TIMP4: variants seen among roughly 807,000 people sequenced by gnomAD.
The protein encoded by TIMP4 is metalloproteinase inhibitor 4.
A neutral mutation model predicts 27.3 loss-of-function variants in TIMP4; 28 were observed. That is an observed-to-expected ratio of 1.03 (90% CI 0.76 to 1.41). The LOEUF is 1.41. TIMP4 is among the 40% of genes most tolerant of loss of function. TIMP4 has a pLI of 0.00. For synonymous variants in TIMP4, 138 were observed against 115.5 expected, an observed-to-expected ratio of 1.20 and a Z score of -1.25; for missense variants, 307 against 285.5, an observed-to-expected ratio of 1.08 and a Z score of -0.54.
rs924245891 is a variant in TIMP4 at position 12,153,127 on chromosome 3, A to G, written c.*388T>C. The G allele has an allele frequency of 1.1e-4, 30 of 284,672 alleles. No homozygotes were observed. Among genetic ancestry groups the G allele is most frequent in the African/African-American group, 6.4e-4 (30 of 46,716 alleles). 17.6% of individuals were successfully genotyped at this position (284,672 alleles called of 1,614,324 possible). ...TGATGCTGTCAAACCACCTTCTGAT[A>G]CTGTACATCGCAAGGATATACCATC... On this transcript the variant is annotated 3_prime_UTR_variant, in exon 5 of 5. Coordinates refer to ENST00000287814, the MANE Select transcript of TIMP4 (RefSeq NM_003256.4).
chr3:12,153,888 A>G (rs574833016), intron 4 of TIMP4, among the ~76,000 whole-genome samples, 176 bp from the exon 5 acceptor site: 32 of 152,166 alleles, frequency 2.1e-4, no homozygotes, highest in African/African-American at 6.3e-4. Flanking sequence ...CCCATATTCA[A>G]TATTGCCACT....
chr3:12,153,254 A>G lies in TIMP4; in HGVS notation c.*261T>C. On this transcript the variant is annotated 3_prime_UTR_variant, in exon 5 of 5. Transcript: ENST00000287814. ...AAGGGAATAGTCCTGGCTTTAGAAA[A>G]CAGACTAAGCCAGAAGAAACACTTG... is the stretch of plus-strand genomic sequence containing the variant. 1.8e-6 allele frequency: 1 copy of G among 545,156 alleles called. No individual in the cohort carries two copies. The highest frequency in any genetic ancestry group is 3.3e-6 in the Non-Finnish European group (1 of 301,502). The allele number at this position is 545,156 out of a possible 1,614,324, so 33.8% of individuals were successfully genotyped here.
At position 12,157,449 on chromosome 3, in the gene TIMP4, A is replaced by C. The variant is rs1697491217; in HGVS notation, c.173T>G (p.Val58Gly). 1.9e-6 allele frequency: 3 copies of C among 1,614,076 alleles called. No homozygotes were observed. Among genetic ancestry groups the C allele is most frequent in the South Asian group, 2.2e-5 (2 of 91,084 alleles). ...IRAKISSEKVVPASADPADTE... is the reference protein window; with the variant it reads ...IRAKISSEKVGPASADPADTE... The stretch of plus-strand genomic sequence containing the variant: ...GTCAGCAGGGTCTGCACTGGCCGGA[A>C]CTACCTTCTCACTGGAGATTTTGGC... Residue 58 changes from valine (V) to glycine (G), a missense_variant, in exon 2 of 5, where the codon GTT (valine) becomes GGT (glycine). Physicochemically the swap from Val to Gly is moderately radical, Grantham distance 109. Transcript: ENST00000287814.
At chr3:12,158,653 A>G (rs777756078) in intron 1 of TIMP4, 49 bp downstream of exon 1, 25 of 1,603,130 alleles carry the variant, frequency 1.6e-5, no homozygotes, top group East Asian at 4.5e-5. Flanking sequence ...CCAGATACTA[A>G]TCCCCCACAA....
intron 2 of TIMP4, 57 bp from the exon 3 acceptor site, chr3:12,156,991 TAACAGACAAA>T: frequency 7.8e-7 from 1 of 1,285,720 alleles, no homozygotes; most frequent in Non-Finnish European, 1.1e-6. Context: ...CTGTATATAT[TAACAGACAAA>T]AACCTCTCAC....
chr3:12,158,654 T>C (rs749489065), intron 1 of TIMP4, 48 bp downstream of exon 1: 1 of 1,603,376 alleles, frequency 6.2e-7, no homozygotes, highest in Non-Finnish European at 8.5e-7. Context: ...CAGATACTAA[T>C]CCCCCACAAC....
Position 12,153,458 on chromosome 3 carries a change from G to A in TIMP4, c.*57C>T. 1 of 1,594,946 alleles carries A rather than the reference G, an allele frequency of 6.3e-7. No homozygotes were observed. The highest frequency in any genetic ancestry group is 2.2e-5 in the East Asian group (1 of 44,750). The stretch of plus-strand genomic sequence containing the variant: ...GTAATGGCCAAAGCTCTGCAGGGAA[G>A]GAGAACTGGCTTGATCTTCAGGACT... On this transcript the variant is annotated 3_prime_UTR_variant, in exon 5 of 5. Transcript: ENST00000287814.
intron 4 of TIMP4, 65 bp from the exon 5 acceptor site, chr3:12,153,777 C>T (rs1697374357): frequency 6.4e-7 from 1 of 1,558,416 alleles, no homozygotes; most frequent in Admixed American, 1.7e-5. Context: ...TGCTGCCTTT[C>T]AGATTCCTAC....
chr3:12,158,365 T>G (rs911193780), intron 1 of TIMP4, among the ~76,000 whole-genome samples: 2 of 152,094 alleles, frequency 1.3e-5, no homozygotes, highest in African/African-American at 2.4e-5. Context: ...CCCTCTCCCC[T>G]CCCCTTTCTG....
chr3:12,155,853 G>A (rs761695032), intron 3 of TIMP4, among the ~76,000 whole-genome samples: 17 of 152,194 alleles, frequency 1.1e-4, no homozygotes, highest in Non-Finnish European at 2.2e-4. Context: ...AATAGAGTTT[G>A]AAAGGGCCTG....
At chr3:12,154,699 A>G (rs1238395460) in intron 3 of TIMP4, among the ~76,000 whole-genome samples, 1 of 152,230 alleles carries the variant, frequency 6.6e-6, no homozygotes. Context: ...AGCATGGTAC[A>G]GAGAGAAGAA....
chr3:12,153,273 A>G lies in TIMP4; in HGVS notation c.*242T>C. 1.8e-6 allele frequency: 1 copy of G among 570,594 alleles called. No homozygotes were observed. Among genetic ancestry groups the G allele is most frequent in the South Asian group, 2.0e-5 (1 of 49,160 alleles). The allele number at this position is 570,594 out of a possible 1,614,324, so 35.3% of individuals were successfully genotyped here. On this transcript the variant is annotated 3_prime_UTR_variant, in exon 5 of 5. Transcript: ENST00000287814. ...TAGAAAACAGACTAAGCCAGAAGAA[A>G]CACTTGCAGTAACAGCTACAAGGCT...
At chr3:12,158,304 G>A (rs1050742325) in intron 1 of TIMP4, among the ~76,000 whole-genome samples, 2 of 152,170 alleles carry the variant, frequency 1.3e-5, no homozygotes, top group African/African-American at 4.8e-5. Flanking sequence ...TAGGGGCTTG[G>A]TGGCAACCTC....
rs527513037 is a variant in TIMP4 at position 12,158,794 on chromosome 3, C to T, written c.47G>A (p.Arg16Gln). 112 of 1,603,220 alleles carry T rather than the reference C, an allele frequency of 7.0e-5. No homozygotes were observed. The highest frequency in any genetic ancestry group is 3.3e-4 in the Middle Eastern group (2 of 6,026). ...RPAPSWVLLL[R>Q]LLALLRPPGL... The stretch of plus-strand genomic sequence containing the variant: ...CGGGGGCCGCAGCAACGCCAGCAGC[C>T]GCAGCAACAGCACCCAGCTTGGCGC... Residue 16 changes from arginine (R) to glutamine (Q), a missense_variant, in exon 1 of 5, where the codon CGG (arginine) becomes CAG (glutamine). By Grantham distance (43) the Arg-to-Gln change is conservative. Transcript: ENST00000287814.
intron 1 of TIMP4, among the ~76,000 whole-genome samples, chr3:12,158,166 C>T (rs780972983): frequency 9.9e-5 from 15 of 152,068 alleles, no homozygotes; most frequent in Non-Finnish European, 2.1e-4. Flanking sequence ...AGCCCGGGAG[C>T]CTGCAGAGAA....
chr3:12,157,584 C>A (rs1697496133), intron 1 of TIMP4, 102 bp from the exon 2 acceptor site: 1 of 1,186,588 alleles, frequency 8.4e-7, no homozygotes, highest in South Asian at 1.3e-5. Flanking sequence ...TAGGGCAGTT[C>A]TTGGTTTTGG....
intron 3 of TIMP4, 71 bp downstream of exon 3, chr3:12,156,749 G>A (rs1033377156): frequency 1.6e-6 from 2 of 1,262,086 alleles, no homozygotes; most frequent in South Asian, 1.2e-5. Context: ...GAAGACCCTG[G>A]CTCCTTTCTC....
intron 3 of TIMP4, among the ~76,000 whole-genome samples, chr3:12,155,795 C>T (rs764790625): frequency 5.9e-5 from 9 of 152,190 alleles, no homozygotes; most frequent in Admixed American, 3.3e-4. Flanking sequence ...CCATGCCTAG[C>T]AGCGGGCTAG....
At position 12,153,463 on chromosome 3, in the gene TIMP4, A is replaced by G. The variant is rs1697363184; in HGVS notation, c.*52T>C. 6.2e-7 allele frequency: 1 copy of G among 1,601,722 alleles called. No homozygotes were observed. The highest frequency in any genetic ancestry group is 1.3e-5 in the African/African-American group (1 of 74,650). On this transcript the variant is annotated 3_prime_UTR_variant, in exon 5 of 5. Coordinates refer to ENST00000287814, the MANE Select transcript of TIMP4 (RefSeq NM_003256.4). ...GGCCAAAGCTCTGCAGGGAAGGAGA[A>G]CTGGCTTGATCTTCAGGACTCTTGA...
Sources: allele counts gnomAD v4.1 joint callset (sites outside exome capture counted in the v4.1 genomes callset), GRCh38; gene constraint gnomAD v4.1.1; transcripts MANE v1.5; gene names NCBI Gene and HGNC (gene_info 2026-07-23, HGNC 2026-07-21).